SHTN1: variants seen among roughly 807,000 people sequenced by gnomAD.
SHTN1 encodes shootin-1.
In SHTN1, 42 loss-of-function variants were observed where a neutral mutation model predicts 83.1. The observed-to-expected ratio is 0.51, with a 90% CI of 0.39 to 0.65. SHTN1 has a LOEUF of 0.65. SHTN1 is among the 30% of genes least tolerant of loss of function. SHTN1 has a pLI of 0.00. For synonymous variants in SHTN1, 224 were observed against 247.7 expected (o/e 0.90, Z 0.90); for missense variants, 622 against 737.8 (o/e 0.84, Z 1.82).
chr10:116,998,860 A>G (rs960425994), intron 1 of SHTN1, among the ~76,000 whole-genome samples: 12 of 152,320 alleles, frequency 7.9e-5, no homozygotes, highest in African/African-American at 2.6e-4. Context: ...ATACTGGTGC[A>G]TCTAGGCTCT....
At chr10:117,032,325 T>C (rs890700207) in intron 2 of SHTN1, among the ~76,000 whole-genome samples, 1 of 152,126 alleles carries the variant, frequency 6.6e-6, no homozygotes, top group Non-Finnish European at 1.5e-5. Flanking sequence ...TGCCTCAGCT[T>C]CCTGAGTAGC....
intron 1 of SHTN1, among the ~76,000 whole-genome samples, chr10:116,986,754 C>T (rs531349234): frequency 2.0e-4 from 25 of 124,472 alleles, no homozygotes; most frequent in African/African-American, 7.2e-4. Flanking sequence ...GACAGAGTGT[C>T]GCTCTGTCAC....
chr10:117,031,469 A>G (rs60370303), intron 2 of SHTN1, among the ~76,000 whole-genome samples: 3,533 of 152,322 alleles, frequency 0.023, 131 homozygotes, highest in African/African-American at 0.078. Context: ...ATAACACTGT[A>G]ACTGCAGTGT....
intron 1 of SHTN1, among the ~76,000 whole-genome samples, chr10:117,082,793 G>T (rs1246398548): frequency 6.6e-6 from 1 of 150,934 alleles, no homozygotes; most frequent in Non-Finnish European, 1.5e-5. Context: ...TTATGTAATG[G>T]CCTTCTTTGT....
intron 9 of SHTN1, among the ~76,000 whole-genome samples, chr10:116,932,383 G>A (rs149706961): frequency 2.6e-5 from 4 of 152,270 alleles, no homozygotes; most frequent in East Asian, 1.9e-4. Flanking sequence ...CTGCACACGC[G>A]AGGGATCCAG....
intron 1 of SHTN1, among the ~76,000 whole-genome samples, chr10:117,084,966 C>G (rs1390077295): frequency 2.0e-5 from 3 of 152,160 alleles, no homozygotes; most frequent in African/African-American, 7.2e-5. Context: ...AACCCGGTAC[C>G]TCAGATGGAA....
At chr10:117,093,371 TTATTAA>T (rs1270372637) in intron 1 of SHTN1, among the ~76,000 whole-genome samples, 1 of 151,940 alleles carries the variant, frequency 6.6e-6, no homozygotes, top group African/African-American at 2.4e-5. Context: ...CAAGGCATTA[TTATTAA>T]TAACTTGAAA....
intron 1 of SHTN1, among the ~76,000 whole-genome samples, chr10:117,088,292 A>G (rs1853379814): frequency 6.6e-6 from 1 of 152,196 alleles, no homozygotes; most frequent in Non-Finnish European, 1.5e-5. Context: ...CAGTGTTTTG[A>G]GTCACATCCA....
chr10:116,965,177 G>A (rs1411389849), intron 3 of SHTN1, among the ~76,000 whole-genome samples: 1 of 152,086 alleles, frequency 6.6e-6, no homozygotes, highest in Non-Finnish European at 1.5e-5. Flanking sequence ...AGGGAGAGTA[G>A]AGCCCTATGG....
chr10:116,915,385 G>C lies in SHTN1; in HGVS notation c.1295C>G (p.Pro432Arg), dbSNP rs145129567. The change falls in exon 13 of 17, where the codon CCG (proline) becomes CGG (arginine). Residue 432 changes from proline to arginine, a missense_variant. Transcript: ENST00000355371. ...TCAGTCACTCCATACCTTTGTCTTC[G>C]GTCTGGCTGTCTGATTAACGGGTCT... ...HLRPVNQTAR[P>R]KTKPESSKGC... The C allele has an allele frequency of 1.3e-6, 2 of 1,569,048 alleles. No individual in the cohort carries two copies. Among genetic ancestry groups the C allele is most frequent in the Non-Finnish European group, 8.8e-7 (1 of 1,139,426 alleles).
At chr10:116,971,514 G>A (rs1383573588) in intron 2 of SHTN1, among the ~76,000 whole-genome samples, 5 of 152,014 alleles carry the variant, frequency 3.3e-5, no homozygotes, top group Non-Finnish European at 5.9e-5. Context: ...TCTGGCTAGC[G>A]GTTTCAGGAA....
chr10:117,021,091 G>A (rs1420521841), intron 2 of SHTN1, among the ~76,000 whole-genome samples: 2 of 152,210 alleles, frequency 1.3e-5, no homozygotes, highest in African/African-American at 2.4e-5. Context: ...CCACAATGAT[G>A]GCCAGGCGCG....
chr10:117,024,500 G>A lies in SHTN1; in HGVS notation c.-123+23945C>T, dbSNP rs563611075. On this transcript the variant is annotated intron_variant, in intron 2 of 17. Transcript: ENST00000392901. Reference sequence around the variant, plus strand: ...CTCCCGAGTAGCTGGGACTACAGGCGCCCACCACCACGCCTGGCTAATTTT... The same window carrying A: ...CTCCCGAGTAGCTGGGACTACAGGCACCCACCACCACGCCTGGCTAATTTT... Among the ~76,000 whole-genome samples the A allele has an allele frequency of 4.6e-5, 7 of 151,690 alleles. No individual in the cohort carries two copies. The South Asian group carries it at 8.4e-4, about 18-fold the overall frequency.
intron 4 of SHTN1, among the ~76,000 whole-genome samples, chr10:116,959,369 A>C (rs1454355329): frequency 1.3e-5 from 2 of 152,206 alleles, no homozygotes; most frequent in Non-Finnish European, 2.9e-5. Flanking sequence ...TACAAATTAC[A>C]TTTATTTATG....
At chr10:116,957,218 G>A (rs1304904147) in intron 4 of SHTN1, among the ~76,000 whole-genome samples, 1 of 149,540 alleles carries the variant, frequency 6.7e-6, no homozygotes, top group Non-Finnish European at 1.5e-5. Context: ...TTGTTGTTTG[G>A]AACCCCTCTA....
At chr10:117,082,425 T>C (rs1041519490) in intron 1 of SHTN1, among the ~76,000 whole-genome samples, 17 of 150,106 alleles carry the variant, frequency 1.1e-4, no homozygotes, top group Non-Finnish European at 1.8e-4. Context: ...TTCTGTTCTT[T>C]TACATTTGCT....
chr10:116,988,218 A>G (rs766557030), intron 1 of SHTN1, among the ~76,000 whole-genome samples: 1 of 151,966 alleles, frequency 6.6e-6, no homozygotes, highest in Non-Finnish European at 1.5e-5. Flanking sequence ...GAAAAGGTGA[A>G]GAGGTATGTG....
chr10:117,071,318 T>C (rs1409017199), intron 1 of SHTN1, among the ~76,000 whole-genome samples: 1 of 97,898 alleles, frequency 1.0e-5, no homozygotes, highest in African/African-American at 2.8e-5. Flanking sequence ...CAAAACAAGA[T>C]CAAAGCAGGA....
In SHTN1 at chr10:116,883,263, C is replaced by T. The variant is rs1005379765; in HGVS notation, c.*3081G>A. The T allele has an allele frequency of 6.6e-6, 1 of 151,980 alleles. No homozygotes were observed. The highest frequency in any genetic ancestry group is 2.4e-5 in the African/African-American group (1 of 41,368). 9.4% of individuals were successfully genotyped at this position (151,980 alleles called of 1,614,324 possible). On this transcript the variant is annotated 3_prime_UTR_variant, in exon 17 of 17. Transcript: ENST00000355371. The stretch of plus-strand genomic sequence containing the variant: ...CTCTTTCTACTTATACTTTCTCTCT[C>T]TTGTGTTATATAACATTTAATATGA...
Sources: gnomAD v4.1 joint callset for allele counts (sites outside exome capture counted in the v4.1 genomes callset) on GRCh38, gnomAD v4.1.1 for gene constraint, MANE v1.5 for transcripts, NCBI Gene and HGNC (gene_info 2026-07-23, HGNC 2026-07-21) for gene names.